Variants in SPAG1 observed in about 807,000 individuals in gnomAD.
SPAG1 encodes sperm associated antigen 1, also known as sperm-associated antigen 1.
In SPAG1, 69 loss-of-function variants were observed where a neutral mutation model predicts 100.5. The observed-to-expected ratio is 0.69, with a 90% CI of 0.57 to 0.84. SPAG1 has a LOEUF of 0.84. Among genes scored for constraint, SPAG1 ranks in the 40% least tolerant of loss-of-function variants. The probability of loss-of-function intolerance (pLI) is 0.00; values close to 1 mark genes in which losing one functional copy is unlikely to be tolerated. For missense variants in SPAG1, 955 were observed against 1,133.1 expected, an observed-to-expected ratio of 0.84 and a Z score of 2.26; for synonymous variants, 336 against 411.6, an observed-to-expected ratio of 0.82 and a Z score of 2.22.
intron 3 of SPAG1, among the ~76,000 whole-genome samples, chr8:100,175,917 C>A (rs1241154646): frequency 6.6e-6 from 1 of 152,196 alleles, no homozygotes; most frequent in African/African-American, 2.4e-5. Context: ...GGGTTAACAG[C>A]TTTACAAATA....
At chr8:100,233,622 G>A in intron 16 of SPAG1, 85 bp downstream of exon 16, 2 of 1,354,686 alleles carry the variant, frequency 1.5e-6, no homozygotes, top group South Asian at 2.6e-5. Context: ...CAGATCTTGG[G>A]ATGGGATTGA....
Position 100,213,405 on chromosome 8 carries a change from C to T in SPAG1, c.1412C>T (p.Ala471Val). 1 of 1,437,146 alleles carries T rather than the reference C, an allele frequency of 7.0e-7. No individual in the cohort carries two copies. The highest frequency in any genetic ancestry group is 9.1e-7 in the Non-Finnish European group (1 of 1,094,456). 89.0% of individuals were successfully genotyped at this position (1,437,146 alleles called of 1,614,324 possible). The change falls in exon 11 of 19, where the codon GCA becomes GTA. Residue 471 changes from alanine (A) to valine (V), a missense_variant. Coordinates refer to ENST00000388798, the MANE Select transcript of SPAG1 (RefSeq NM_003114.5). Reference protein sequence around the residue: ...FAEAAGKYSAAIALLEPAGSE... With the variant: ...FAEAAGKYSAVIALLEPAGSE... ...GAGGCGGCCGGCAAGTACTCGGCGGCAATCGCGCTCCTGGAGCCAGCAGGT... is the reference window on the plus strand; with the variant it reads ...GAGGCGGCCGGCAAGTACTCGGCGGTAATCGCGCTCCTGGAGCCAGCAGGT...
chr8:100,178,028 C>A, intron 4 of SPAG1, 87 bp downstream of exon 4: 1 of 1,126,526 alleles, frequency 8.9e-7, no homozygotes, highest in Non-Finnish European at 1.3e-6. Flanking sequence ...ATTGGAGCAG[C>A]CTATGTGTGA....
intron 1 of SPAG1, among the ~76,000 whole-genome samples, chr8:100,160,134 C>G (rs1815241972): frequency 6.6e-6 from 1 of 152,198 alleles, no homozygotes; most frequent in Admixed American, 6.5e-5. Context: ...TTATCATTAG[C>G]ATTAGCAGCA....
chr8:100,239,421 A>T lies in SPAG1; in HGVS notation c.2280+17A>T. ...ATTCAAGAGGTATTTGTATTTGATT[A>T]TCTTTGAAAGTACTCCTTTGGGGAC... On this transcript the variant is annotated intron_variant, in intron 17 of 18. Transcript: ENST00000388798. The surrounding 1 kb of genome is among the most constrained non-coding windows in gnomAD (Gnocchi z 5.0). 1 of 1,523,868 alleles carries T rather than the reference A, an allele frequency of 6.6e-7. No individual in the cohort carries two copies. Among genetic ancestry groups the T allele is most frequent in the Non-Finnish European group, 9.1e-7 (1 of 1,098,996 alleles). The allele number at this position is 1,523,868 out of a possible 1,614,324, so 94.4% of individuals were successfully genotyped here.
intron 9 of SPAG1, among the ~76,000 whole-genome samples, chr8:100,191,747 T>A (rs1416175102): frequency 6.6e-6 from 1 of 152,150 alleles, no homozygotes; most frequent in East Asian, 1.9e-4. Flanking sequence ...TTTCCTATAG[T>A]GTTGTAGGCA....
chr8:100,220,459 A>T, intron 13 of SPAG1, 28 bp downstream of exon 13: 1 of 1,592,864 alleles, frequency 6.3e-7, no homozygotes, highest in Non-Finnish European at 8.5e-7. Flanking sequence ...GCTACCTAAA[A>T]TCTAGTTGTT....
chr8:100,183,375 GA>G lies in SPAG1; in HGVS notation c.432del (p.Lys144AsnfsTer28). On this transcript the variant is annotated frameshift_variant and splice_region_variant, in exon 5 of 19. Transcript: ENST00000388798. LOFTEE classifies it high-confidence loss of function. Reference protein sequence around the residue: ...GSNSCLHVGKEKYSKRPTKKK... With the variant: ...GSNSCLHVGKXKYSKRPTKKK... ...ATAAAATATGATTTTATTCTTTTAG[GA>G]AAAATATTCTAAAAGACCAACTAAA... 3 of 1,321,412 alleles carry G rather than the reference GA, an allele frequency of 2.3e-6. No individual in the cohort carries two copies. Among genetic ancestry groups the G allele is most frequent in the Non-Finnish European group, 3.2e-6 (3 of 928,502 alleles). 81.9% of individuals were successfully genotyped at this position (1,321,412 alleles called of 1,614,324 possible).
chr8:100,214,213 G>A (rs1817869422), intron 12 of SPAG1, among the ~76,000 whole-genome samples: 2 of 152,186 alleles, frequency 1.3e-5, no homozygotes, highest in Non-Finnish European at 2.9e-5. Context: ...TGCGGCATCA[G>A]AATAACTTTC....
intron 10 of SPAG1, among the ~76,000 whole-genome samples, chr8:100,196,588 T>G (rs1277397273): frequency 6.6e-6 from 1 of 152,212 alleles, no homozygotes; most frequent in African/African-American, 2.4e-5. Flanking sequence ...TCCTGAGAAT[T>G]CTTTTTATAA....
At chr8:100,223,978 C>A (rs1463034182) in intron 13 of SPAG1, among the ~76,000 whole-genome samples, 1 of 152,036 alleles carries the variant, frequency 6.6e-6, no homozygotes, top group Admixed American at 6.5e-5. Context: ...CAAAAAGTTG[C>A]GACTAGATTT....
At chr8:100,168,802 C>A (rs745812512) in intron 3 of SPAG1, among the ~76,000 whole-genome samples, 2 of 151,118 alleles carry the variant, frequency 1.3e-5, no homozygotes, top group African/African-American at 2.4e-5. Flanking sequence ...GTTCTCCTGC[C>A]TCAGCCTTCT....
In SPAG1 at chr8:100,183,992, A is replaced by T. The variant is rs1485108736; in HGVS notation, c.525A>T (p.Glu175Asp). The T allele has an allele frequency of 6.4e-7, 1 of 1,551,760 alleles. No homozygotes were observed. The highest frequency in any genetic ancestry group is 8.7e-7 in the Non-Finnish European group (1 of 1,154,432). ...DVEKECLKID[E>D]DYKEKTVIDK... ...AGAAGGAATGTTTAAAAATTGATGA[A>T]GATTACAAAGAAAAGACGGTAATAG... Residue 175 changes from glutamate (E) to aspartate (D), a missense_variant, in exon 6 of 19, where the codon GAA (glutamate) becomes GAT (aspartate). Coordinates refer to ENST00000388798, the MANE Select transcript of SPAG1 (RefSeq NM_003114.5).
chr8:100,177,711 C>A, intron 3 of SPAG1, 105 bp from the exon 4 acceptor site: 1 of 557,460 alleles, frequency 1.8e-6, no homozygotes, highest in South Asian at 6.5e-5. Flanking sequence ...TATAAGTGGA[C>A]CAATGCAGTT....
chr8:100,196,194 T>C lies in SPAG1; in HGVS notation c.1096+1926T>C, dbSNP rs182323818. ...ACTGCTATACACACTCATTTGCAGG[T>C]TTTTGTGTAAACATATGTTTTCATT... On this transcript the variant is annotated intron_variant, in intron 10 of 18. Coordinates refer to ENST00000388798, the MANE Select transcript of SPAG1 (RefSeq NM_003114.5). 4.6e-5 allele frequency among the ~76,000 whole-genome samples: 7 copies of C among 152,320 alleles called. No individual in the cohort carries two copies. In the East Asian group the frequency reaches 1.3e-3, roughly 29 times the overall value.
chr8:100,200,243 A>G (rs1817214775), intron 10 of SPAG1, among the ~76,000 whole-genome samples: 1 of 152,284 alleles, frequency 6.6e-6, no homozygotes, highest in South Asian at 2.1e-4. Context: ...GATGGTTTCC[A>G]GCTTCATCCA....
chr8:100,190,268 G>C (rs1167594156), intron 8 of SPAG1, among the ~76,000 whole-genome samples: 1 of 149,206 alleles, frequency 6.7e-6, no homozygotes, highest in Non-Finnish European at 1.5e-5. Context: ...AGCCGAGATT[G>C]TGCCACTGCA....
Position 100,164,622 on chromosome 8 carries a change from G to A in SPAG1, c.141-1192G>A, listed in dbSNP as rs555231103. ...GTACTTTTAGTAGAGAGTCCATTTCGCCATGTTGGCCAGGCTGTTCTCGAA... is the reference window on the plus strand; with the variant it reads ...GTACTTTTAGTAGAGAGTCCATTTCACCATGTTGGCCAGGCTGTTCTCGAA... On this transcript the variant is annotated intron_variant, in intron 2 of 18. Transcript: ENST00000388798. 2.6e-4 allele frequency among the ~76,000 whole-genome samples: 39 copies of A among 152,046 alleles called. No individual in the cohort carries two copies. The South Asian group carries it at 7.7e-3, about 30-fold the overall frequency.
intron 13 of SPAG1, 42 bp from the exon 14 acceptor site, chr8:100,225,131 G>A (rs979301083): frequency 1.9e-6 from 3 of 1,544,654 alleles, no homozygotes; most frequent in African/African-American, 2.7e-5. Context: ...AATATAAAAA[G>A]CAAACTAAAT....
Sources: allele counts gnomAD v4.1 joint callset (sites outside exome capture counted in the v4.1 genomes callset), GRCh38; gene constraint gnomAD v4.1.1; non-coding constraint Gnocchi (gnomAD v3.1); transcripts MANE v1.5; gene names NCBI Gene and HGNC (gene_info 2026-07-23, HGNC 2026-07-21).